The following AGBL4 variants were observed in gnomAD, a reference collection of about 807,000 sequenced individuals.
AGBL4 encodes the protein cytosolic carboxypeptidase 6.
Under a neutral mutation model 66.4 loss-of-function variants are expected in AGBL4, and 58 were observed. That is an observed-to-expected ratio of 0.87 (90% CI 0.71 to 1.09). AGBL4 has a LOEUF of 1.09. Ranked by LOEUF, AGBL4 falls within the 50% of genes least tolerant of loss-of-function variation. The pLI is 0.00. For missense variants in AGBL4, 579 were observed against 631.0 expected (o/e 0.92, Z 0.88); for synonymous variants, 234 against 222.9 (o/e 1.05, Z -0.44).
At chr1:48,707,939 C>A (rs1380576165) in intron 6 of AGBL4, among the ~76,000 whole-genome samples, 1 of 152,098 alleles carries the variant, frequency 6.6e-6, no homozygotes, top group African/African-American at 2.4e-5. Context: ...TGGAAAGGGG[C>A]AGGGGAGGAA....
At chr1:49,185,048 T>C (rs999735419) in intron 4 of AGBL4, among the ~76,000 whole-genome samples, 4 of 152,304 alleles carry the variant, frequency 2.6e-5, no homozygotes, top group East Asian at 1.9e-4. Flanking sequence ...ACAGGACAGA[T>C]GCTGTTTTCC....
intron 5 of AGBL4, among the ~76,000 whole-genome samples, chr1:48,976,326 G>T (rs1215074584): frequency 6.6e-6 from 1 of 152,056 alleles, no homozygotes; most frequent in African/African-American, 2.4e-5. Context: ...TACACAACTT[G>T]GACTTTTCCT....
chr1:49,285,429 A>C (rs954864049), intron 3 of AGBL4, among the ~76,000 whole-genome samples: 7 of 152,152 alleles, frequency 4.6e-5, no homozygotes, highest in African/African-American at 1.7e-4. Flanking sequence ...GAAAGATCCA[A>C]AATTGACACC....
At chr1:49,897,752 CA>C (rs920770258) in intron 1 of AGBL4, among the ~76,000 whole-genome samples, 6 of 151,726 alleles carry the variant, frequency 4.0e-5, no homozygotes, top group African/African-American at 1.4e-4. Context: ...GCATAAAAAA[CA>C]GCATGATAAT....
At chr1:49,771,798 G>T (rs1296677697) in intron 2 of AGBL4, among the ~76,000 whole-genome samples, 1 of 151,736 alleles carries the variant, frequency 6.6e-6, no homozygotes, top group Non-Finnish European at 1.5e-5. Context: ...TCTGATATAA[G>T]TATGGCTACT....
At chr1:49,187,850 C>A (rs1177874170) in intron 4 of AGBL4, among the ~76,000 whole-genome samples, 1 of 152,036 alleles carries the variant, frequency 6.6e-6, no homozygotes, top group East Asian at 1.9e-4. Context: ...GTGTCCCCAC[C>A]CAAATCTCAT....
At chr1:49,354,645 G>A (rs1174885969) in intron 3 of AGBL4, among the ~76,000 whole-genome samples, 1 of 152,084 alleles carries the variant, frequency 6.6e-6, no homozygotes, top group South Asian at 2.1e-4. Context: ...TAGGTTCTTC[G>A]AAACTGTGAC....
intron 6 of AGBL4, among the ~76,000 whole-genome samples, chr1:48,846,421 G>GAAAGAAAGAAAT (rs796582660): frequency 1.5e-3 from 212 of 144,708 alleles, no homozygotes; most frequent in Admixed American, 3.2e-3. Flanking sequence ...AAGAAAGAAA[G>GAAAGAAAGAAAT]AAATTCATTT....
chr1:48,869,964 T>C (rs748742965), intron 5 of AGBL4, among the ~76,000 whole-genome samples: 1 of 152,120 alleles, frequency 6.6e-6, no homozygotes, highest in South Asian at 2.1e-4. Flanking sequence ...TGAACTCAAC[T>C]GAACTAGTCC....
chr1:49,645,110 T>C (rs1645859122), intron 3 of AGBL4, among the ~76,000 whole-genome samples: 1 of 151,468 alleles, frequency 6.6e-6, no homozygotes, highest in South Asian at 2.1e-4. Context: ...TTTACGTTAT[T>C]AAAAACGTGT....
At chr1:48,707,439 A>T (rs1646898585) in intron 6 of AGBL4, among the ~76,000 whole-genome samples, 1 of 152,194 alleles carries the variant, frequency 6.6e-6, no homozygotes, top group African/African-American at 2.4e-5. Context: ...TTGCCAAGGG[A>T]TGAGAAGAGA....
Position 49,002,755 on chromosome 1 carries a change from T to C in AGBL4, c.594+42829A>G, listed in dbSNP as rs1316302681. On this transcript the variant is annotated intron_variant, in intron 5 of 13. Coordinates refer to ENST00000371839, the MANE Select transcript of AGBL4 (RefSeq NM_032785.4). ...CCTTTATTCTACATTAAAATGCTTATTTGAAACTATTCTGCCAGGGTTCCC... is the reference window on the plus strand; with the variant it reads ...CCTTTATTCTACATTAAAATGCTTACTTGAAACTATTCTGCCAGGGTTCCC... Among the ~76,000 whole-genome samples, 3 of 152,340 alleles carry C rather than the reference T, an allele frequency of 2.0e-5. No individual in the cohort carries two copies. In the East Asian group the frequency reaches 5.8e-4, roughly 29 times the overall value.
intron 3 of AGBL4, among the ~76,000 whole-genome samples, chr1:49,559,907 A>G (rs2148851625): frequency 6.6e-6 from 1 of 152,228 alleles, no homozygotes; most frequent in Non-Finnish European, 1.5e-5. Flanking sequence ...TCCCTTTCAT[A>G]TATACATGTA....
chr1:49,554,710 GGTGA>G (rs1467161167), intron 3 of AGBL4, among the ~76,000 whole-genome samples: 2 of 152,178 alleles, frequency 1.3e-5, no homozygotes, highest in Non-Finnish European at 2.9e-5. Flanking sequence ...GGACCCTCGC[GGTGA>G]GTGTTACAGT....
At position 49,878,948 on chromosome 1, in the gene AGBL4, T is replaced by G. The variant is rs1324902055; in HGVS notation, c.35-27430A>C. Among the ~76,000 whole-genome samples, 8 of 102,152 alleles carry G rather than the reference T, an allele frequency of 7.8e-5. No individual in the cohort carries two copies. In the Admixed American group the frequency reaches 9.2e-4, roughly 12 times the overall value. The allele number at this position is 102,152 out of a possible 152,430, so 67.0% of individuals were successfully genotyped here. On this transcript the variant is annotated intron_variant, in intron 1 of 13. Coordinates refer to ENST00000371839, the MANE Select transcript of AGBL4 (RefSeq NM_032785.4). ...TTTGTCTCTTTTGATCTTTGTTGGT[T>G]TAAAGTCTGTTTTATCAGAGACTAG...
chr1:49,365,820 A>T (rs541826614), intron 3 of AGBL4, among the ~76,000 whole-genome samples: 1 of 152,162 alleles, frequency 6.6e-6, no homozygotes, highest in Non-Finnish European at 1.5e-5. Flanking sequence ...CCTCAGAAAG[A>T]TCTGGAGTTG....
chr1:49,331,572 T>C (rs527696184), intron 3 of AGBL4, among the ~76,000 whole-genome samples: 77 of 152,350 alleles, frequency 5.1e-4, no homozygotes, highest in Non-Finnish European at 6.5e-4. Flanking sequence ...AAGACCCTGG[T>C]CCATTCCTCT....
chr1:49,843,810 G>A (rs1415777464), intron 2 of AGBL4, among the ~76,000 whole-genome samples: 2 of 152,046 alleles, frequency 1.3e-5, no homozygotes, highest in Non-Finnish European at 2.9e-5. Context: ...AACAATATGG[G>A]GAAGGTACCC....
At chr1:49,507,008 C>T (rs1208275930) in intron 3 of AGBL4, among the ~76,000 whole-genome samples, 4 of 151,960 alleles carry the variant, frequency 2.6e-5, no homozygotes, top group African/African-American at 9.7e-5. Context: ...TTTTAATTAA[C>T]AGAATGCAAC....
Sources: allele counts gnomAD v4.1 joint callset (sites outside exome capture counted in the v4.1 genomes callset), GRCh38; gene constraint gnomAD v4.1.1; transcripts MANE v1.5; gene names NCBI Gene and HGNC (gene_info 2026-07-23, HGNC 2026-07-21).